RERG: variants seen among roughly 807,000 people sequenced by gnomAD.
RERG encodes the protein RAS like estrogen regulated growth inhibitor.
Under a neutral mutation model 23.2 loss-of-function variants are expected in RERG, and 25 were observed. That is an observed-to-expected ratio of 1.08 (90% CI 0.79 to 1.50). The LOEUF is 1.50. Ranked by LOEUF, RERG falls within the 40% of genes most tolerant of loss-of-function variation. The pLI, the probability that RERG is intolerant of heterozygous loss-of-function variation, is 0.00. For missense variants in RERG, 253 were observed against 250.1 expected (o/e 1.01, Z -0.08); for synonymous variants, 81 against 89.1 (o/e 0.91, Z 0.51).
chr12:15,163,317 T>C (rs7957960), intron 2 of RERG, among the ~76,000 whole-genome samples: 81,073 of 152,062 alleles, frequency 0.53, 21,756 homozygotes, highest in East Asian at 0.67. Flanking sequence ...CAGAGTCATT[T>C]TTCCTGGATC....
chr12:15,165,003 A>G (rs1435911252), intron 2 of RERG, among the ~76,000 whole-genome samples: 2 of 152,202 alleles, frequency 1.3e-5, no homozygotes, highest in Non-Finnish European at 2.9e-5. Context: ...TCTCTCTTTG[A>G]GGTCTCAAAC....
chr12:15,157,342 A>T (rs1864537415), intron 2 of RERG, among the ~76,000 whole-genome samples: 1 of 152,190 alleles, frequency 6.6e-6, no homozygotes, highest in Admixed American at 6.5e-5. Flanking sequence ...ATATTTTACA[A>T]TCCATCCACC....
chr12:15,140,509 T>C (rs1019299624), intron 2 of RERG, among the ~76,000 whole-genome samples: 1 of 152,166 alleles, frequency 6.6e-6, no homozygotes, highest in African/African-American at 2.4e-5. Flanking sequence ...GTTTTTTCCC[T>C]TTTTATGTAA....
At chr12:15,201,538 T>G (rs902144261) in intron 2 of RERG, among the ~76,000 whole-genome samples, 3 of 150,346 alleles carry the variant, frequency 2.0e-5, no homozygotes, top group East Asian at 3.9e-4. Context: ...ATTACCTAAT[T>G]AATATTAGCT....
At chr12:15,199,802 A>G (rs1470690425) in intron 2 of RERG, among the ~76,000 whole-genome samples, 1 of 152,098 alleles carries the variant, frequency 6.6e-6, no homozygotes, top group African/African-American at 2.4e-5. Context: ...TTTTATTTCT[A>G]CCTGTACCAA....
intron 2 of RERG, among the ~76,000 whole-genome samples, chr12:15,210,881 C>A (rs1029489475): frequency 2.0e-5 from 3 of 152,112 alleles, no homozygotes; most frequent in Admixed American, 6.5e-5. Context: ...TTTAGGACAA[C>A]AAAAAGGCTC....
At chr12:15,198,307 C>T (rs898280369) in intron 2 of RERG, among the ~76,000 whole-genome samples, 6 of 152,094 alleles carry the variant, frequency 3.9e-5, no homozygotes, top group African/African-American at 1.4e-4. Flanking sequence ...CAAGTGATCA[C>T]TCAATGTGAT....
intron 3 of RERG, among the ~76,000 whole-genome samples, chr12:15,115,832 C>T (rs1475984215): frequency 1.3e-5 from 2 of 152,172 alleles, no homozygotes; most frequent in Middle Eastern, 3.2e-3. Flanking sequence ...CTGTAGAATG[C>T]AGCTTCGCCA....
At chr12:15,134,041 C>A (rs542981392) in intron 2 of RERG, among the ~76,000 whole-genome samples, 37 of 151,976 alleles carry the variant, frequency 2.4e-4, no homozygotes, top group Non-Finnish European at 4.9e-4. Flanking sequence ...TTCTCCCAGT[C>A]TGTGGCTTGT....
intron 2 of RERG, among the ~76,000 whole-genome samples, chr12:15,193,765 G>A (rs1865104343): frequency 6.6e-6 from 1 of 152,158 alleles, no homozygotes; most frequent in Non-Finnish European, 1.5e-5. Context: ...TCTGGGTCTG[G>A]TTTGGATGGA....
intron 2 of RERG, among the ~76,000 whole-genome samples, chr12:15,177,843 T>A (rs559859291): frequency 5.3e-5 from 8 of 150,094 alleles, no homozygotes; most frequent in African/African-American, 1.7e-4. Context: ...CTGTTTGTTT[T>A]TTTTTTTTTT....
At chr12:15,133,725 G>GTTTT (rs549271423) in intron 2 of RERG, among the ~76,000 whole-genome samples, 4 of 135,036 alleles carry the variant, frequency 3.0e-5, no homozygotes, top group Admixed American at 7.4e-5. Context: ...TGACTGAGAG[G>GTTTT]TTTTTTTTTT....
chr12:15,142,449 T>C (rs1864253153), intron 2 of RERG, among the ~76,000 whole-genome samples: 1 of 151,464 alleles, frequency 6.6e-6, no homozygotes, highest in African/African-American at 2.4e-5. Flanking sequence ...ACTTTATACC[T>C]CATTTATTTT....
chr12:15,116,237 C>T (rs1863719405), intron 3 of RERG, among the ~76,000 whole-genome samples: 1 of 152,160 alleles, frequency 6.6e-6, no homozygotes, highest in South Asian at 2.1e-4. Flanking sequence ...GGAGCCATGC[C>T]CTTTGGCTTC....
In RERG at chr12:15,128,898, G is replaced by A. The variant is rs542155604; in HGVS notation, c.62-7779C>T. 1.1e-4 allele frequency among the ~76,000 whole-genome samples: 17 copies of A among 152,164 alleles called. 1 individual carries two copies. Among genetic ancestry groups the A allele is most frequent in the Middle Eastern group, 3.4e-3 (1 of 294 alleles). On this transcript the variant is annotated intron_variant, in intron 2 of 4. Transcript: ENST00000256953. ...AATTTTCCAATTCCTCGTCCCCTGG[G>A]TCCAACACTTTTAGTTCTTCATACC...
At chr12:15,220,350 T>C (rs1265164230) in intron 1 of RERG, among the ~76,000 whole-genome samples, 1 of 152,216 alleles carries the variant, frequency 6.6e-6, no homozygotes, top group African/African-American at 2.4e-5. Flanking sequence ...TAGGTTTTTT[T>C]TTCCCTAAAC....
At chr12:15,174,558 A>G (rs930586255) in intron 2 of RERG, among the ~76,000 whole-genome samples, 3 of 149,720 alleles carry the variant, frequency 2.0e-5, no homozygotes, top group Non-Finnish European at 4.5e-5. Context: ...TCAAGTAATC[A>G]TTCTGCTTCT....
chr12:15,185,048 G>A (rs1211788057), intron 2 of RERG, among the ~76,000 whole-genome samples: 1 of 152,098 alleles, frequency 6.6e-6, no homozygotes, highest in African/African-American at 2.4e-5. Context: ...TCATTCCTAT[G>A]CAGGCAAGAT....
intron 3 of RERG, among the ~76,000 whole-genome samples, chr12:15,116,085 T>C (rs371445700): frequency 1.3e-5 from 2 of 152,204 alleles, no homozygotes; most frequent in African/African-American, 4.8e-5. Flanking sequence ...AAATTGGAGA[T>C]TATAGTTTTG....
Sources: allele counts gnomAD v4.1 joint callset (sites outside exome capture counted in the v4.1 genomes callset), GRCh38; gene constraint gnomAD v4.1.1; transcripts MANE v1.5; gene names NCBI Gene and HGNC (gene_info 2026-07-23, HGNC 2026-07-21).